PTPRD: variants seen among roughly 807,000 people sequenced by gnomAD.
PTPRD encodes protein tyrosine phosphatase receptor type D.
A neutral mutation model predicts 214.5 loss-of-function variants in PTPRD; 34 were observed. The ratio of observed to expected loss-of-function variants is 0.16; its 90% CI spans 0.12 to 0.21. The LOEUF is 0.21. Among genes scored for constraint, PTPRD ranks in the 10% least tolerant of loss-of-function variants. PTPRD has a pLI of 1.00. For missense variants in PTPRD, 2,545 were observed against 2,398.7 expected (o/e 1.06, Z -1.27); for synonymous variants, 1,128 against 845.7 (o/e 1.33, Z -5.79).
At chr9:8,749,221 G>A (rs893914199) in intron 11 of PTPRD, among the ~76,000 whole-genome samples, 7 of 152,006 alleles carry the variant, frequency 4.6e-5, no homozygotes, top group Non-Finnish European at 8.8e-5. Flanking sequence ...TCGCTCTGTC[G>A]CCCAGGCTGG....
rs181830495 is a variant in PTPRD at position 10,278,649 on chromosome 9, A to G, written c.-545+62314T>C. Among the ~76,000 whole-genome samples, 219 of 152,302 alleles carry G rather than the reference A, an allele frequency of 1.4e-3. 1 individual carries two copies. The highest frequency in any genetic ancestry group is 5.0e-3 in the African/African-American group (207 of 41,580). On this transcript the variant is annotated intron_variant, in intron 3 of 45. Coordinates refer to ENST00000381196, the MANE Select transcript of PTPRD (RefSeq NM_002839.4). ...CTTAGAATATAAACACAACACCATA[A>G]ATTTTCAAATCACATTAAACTTTAC...
At chr9:8,766,656 T>C (rs1468596575) in intron 11 of PTPRD, among the ~76,000 whole-genome samples, 1 of 152,202 alleles carries the variant, frequency 6.6e-6, no homozygotes, top group Non-Finnish European at 1.5e-5. Flanking sequence ...AATTTTCACT[T>C]TGCAAACATT....
chr9:10,355,635 T>G (rs1017572540), intron 2 of PTPRD, among the ~76,000 whole-genome samples: 31 of 151,978 alleles, frequency 2.0e-4, no homozygotes, highest in Non-Finnish European at 3.8e-4. Context: ...TGCACGACCA[T>G]GTCCGGCTAA....
chr9:9,354,699 G>C (rs575646276), intron 9 of PTPRD, among the ~76,000 whole-genome samples: 6 of 151,718 alleles, frequency 4.0e-5, no homozygotes, highest in Non-Finnish European at 7.4e-5. Context: ...TGATAGTAAA[G>C]GTATCAGGGT....
intron 12 of PTPRD, among the ~76,000 whole-genome samples, chr9:8,731,873 A>G (rs1282956103): frequency 2.0e-5 from 3 of 152,266 alleles, no homozygotes; most frequent in Non-Finnish European, 4.4e-5. Context: ...AAAGCTAATC[A>G]AAATTGATTT....
intron 12 of PTPRD, among the ~76,000 whole-genome samples, chr9:8,709,705 C>G (rs1352990869): frequency 6.6e-6 from 1 of 151,516 alleles, no homozygotes; most frequent in African/African-American, 2.4e-5. Context: ...TGTTGTCTGT[C>G]AATATAAAAA....
chr9:9,286,794 A>G (rs1410552209), intron 9 of PTPRD, among the ~76,000 whole-genome samples: 1 of 147,216 alleles, frequency 6.8e-6, no homozygotes, highest in Admixed American at 6.8e-5. Flanking sequence ...CTTTCTGTTG[A>G]TAGCATAGTG....
intron 7 of PTPRD, among the ~76,000 whole-genome samples, chr9:9,630,487 A>C (rs2095556152): frequency 6.6e-6 from 1 of 152,196 alleles, no homozygotes; most frequent in Non-Finnish European, 1.5e-5. Flanking sequence ...AAGGGGAGGA[A>C]AGGAGATAAC....
intron 30 of PTPRD, among the ~76,000 whole-genome samples, chr9:8,475,698 C>G (rs79108584): frequency 0.021 from 3,272 of 152,268 alleles, 110 homozygotes; most frequent in African/African-American, 0.069. Flanking sequence ...AAGCCAGAAA[C>G]CTAGGTGTTA....
intron 2 of PTPRD, among the ~76,000 whole-genome samples, chr9:10,565,706 G>C (rs2065389671): frequency 1.3e-5 from 2 of 151,880 alleles, no homozygotes; most frequent in Non-Finnish European, 2.9e-5. Context: ...GCTTACTATA[G>C]CCCTAAGTTT....
chr9:10,611,297 T>C (rs2080907469), intron 2 of PTPRD, among the ~76,000 whole-genome samples: 1 of 152,160 alleles, frequency 6.6e-6, no homozygotes, highest in South Asian at 2.1e-4. Context: ...ACTCCTACTG[T>C]ATCTACTGTA....
In PTPRD at chr9:10,553,096, C is replaced by T. The variant is rs562222550; in HGVS notation, c.-600+59302G>A. On this transcript the variant is annotated intron_variant, in intron 2 of 45. Coordinates refer to ENST00000381196, the MANE Select transcript of PTPRD (RefSeq NM_002839.4). Reference sequence around the variant, plus strand: ...TCATAGTGATCACTAGCAACATCTCCATGCTGAGAATCACAGAAGCACATC... The same window carrying T: ...TCATAGTGATCACTAGCAACATCTCTATGCTGAGAATCACAGAAGCACATC... 3.3e-5 allele frequency among the ~76,000 whole-genome samples: 5 copies of T among 152,258 alleles called. 1 individual carries two copies. The South Asian group carries it at 1.0e-3, about 32-fold the overall frequency.
At chr9:9,944,701 T>A (rs2092290644) in intron 4 of PTPRD, among the ~76,000 whole-genome samples, 1 of 150,572 alleles carries the variant, frequency 6.6e-6, no homozygotes, top group Non-Finnish European at 1.5e-5. Context: ...AAATCCAGCT[T>A]TTTTTTTTCC....
chr9:9,268,046 G>T (rs1031846001), intron 9 of PTPRD, among the ~76,000 whole-genome samples: 15 of 150,812 alleles, frequency 9.9e-5, no homozygotes, highest in African/African-American at 3.6e-4. Flanking sequence ...GGCAAGAAAA[G>T]AAATAAAAGG....
At chr9:8,902,071 T>C (rs572198855) in intron 11 of PTPRD, among the ~76,000 whole-genome samples, 1 of 152,196 alleles carries the variant, frequency 6.6e-6, no homozygotes, top group African/African-American at 2.4e-5. Flanking sequence ...ATATGCATAA[T>C]CTCTATTCAG....
intron 7 of PTPRD, among the ~76,000 whole-genome samples, chr9:9,713,432 C>T (rs2097769412): frequency 6.6e-6 from 1 of 152,046 alleles, no homozygotes; most frequent in South Asian, 2.1e-4. Context: ...AAATGTGAGC[C>T]ATAATTTTGT....
At chr9:10,235,239 T>G (rs552469010) in intron 3 of PTPRD, among the ~76,000 whole-genome samples, 1 of 152,002 alleles carries the variant, frequency 6.6e-6, no homozygotes, top group Non-Finnish European at 1.5e-5. Context: ...CGGATTACAT[T>G]TTTAAGAAGT....
At chr9:10,188,439 T>C (rs2099347635) in intron 3 of PTPRD, among the ~76,000 whole-genome samples, 1 of 152,192 alleles carries the variant, frequency 6.6e-6, no homozygotes, top group Non-Finnish European at 1.5e-5. Flanking sequence ...TTGTCTTTCC[T>C]AGACTTAATT....
At chr9:9,586,204 C>G (rs970765662) in intron 7 of PTPRD, among the ~76,000 whole-genome samples, 1 of 151,934 alleles carries the variant, frequency 6.6e-6, no homozygotes, top group Non-Finnish European at 1.5e-5. Flanking sequence ...TTTTCCCCTT[C>G]CAATTACAGG....
Sources: allele counts gnomAD v4.1 joint callset (sites outside exome capture counted in the v4.1 genomes callset), GRCh38; gene constraint gnomAD v4.1.1; transcripts MANE v1.5; gene names NCBI Gene and HGNC (gene_info 2026-07-23, HGNC 2026-07-21).